KCNJ3: variants seen among roughly 807,000 people sequenced by gnomAD.
KCNJ3 encodes the protein G protein-activated inward rectifier potassium channel 1.
In KCNJ3, 4 loss-of-function variants were observed where a neutral mutation model predicts 39.2. The ratio of observed to expected loss-of-function variants is 0.10; its 90% CI spans 0.05 to 0.23. The LOEUF is 0.23. Among genes scored for constraint, KCNJ3 ranks in the 10% least tolerant of loss-of-function variants. KCNJ3 has a pLI of 1.00. For synonymous variants in KCNJ3, 230 were observed against 237.4 expected (o/e 0.97, Z 0.29); for missense variants, 276 against 634.9 (o/e 0.43, Z 6.08).
intron 2 of KCNJ3, among the ~76,000 whole-genome samples, chr2:154,802,669 A>G (rs1016456905): frequency 2.6e-5 from 4 of 152,170 alleles, no homozygotes; most frequent in African/African-American, 2.4e-5. Context: ...ATAATAACTC[A>G]TGGCTATAAG....
At chr2:154,762,067 G>T (rs1159111043) in intron 2 of KCNJ3, among the ~76,000 whole-genome samples, 1 of 152,166 alleles carries the variant, frequency 6.6e-6, no homozygotes, top group Non-Finnish European at 1.5e-5. Flanking sequence ...CCAGAGGCTG[G>T]AATAGACAAG....
At chr2:154,802,329 T>C (rs1314767546) in intron 2 of KCNJ3, among the ~76,000 whole-genome samples, 1 of 152,146 alleles carries the variant, frequency 6.6e-6, no homozygotes, top group East Asian at 1.9e-4. Context: ...GGGAGCTTGG[T>C]TCCCCATGGC....
chr2:154,850,534 C>G (rs1461725669), intron 2 of KCNJ3, among the ~76,000 whole-genome samples: 1 of 152,146 alleles, frequency 6.6e-6, no homozygotes, highest in Non-Finnish European at 1.5e-5. Flanking sequence ...GATTGGCAAA[C>G]ATAGACATTT....
At chr2:154,783,476 A>G (rs180929276) in intron 2 of KCNJ3, among the ~76,000 whole-genome samples, 1 of 152,304 alleles carries the variant, frequency 6.6e-6, no homozygotes, top group Admixed American at 6.5e-5. Context: ...TCCTGCCACT[A>G]CTAACACCCT....
intron 2 of KCNJ3, among the ~76,000 whole-genome samples, chr2:154,768,191 T>C (rs1686169548): frequency 6.6e-6 from 1 of 152,264 alleles, no homozygotes; most frequent in Non-Finnish European, 1.5e-5. Flanking sequence ...TTTAGTTTAA[T>C]TAGATCCCAT....
chr2:154,845,906 G>A (rs1687656068), intron 2 of KCNJ3, among the ~76,000 whole-genome samples: 1 of 149,554 alleles, frequency 6.7e-6, no homozygotes, highest in Non-Finnish European at 1.5e-5. Context: ...GGAGGTGGAG[G>A]TTGCAGTGAG....
intron 2 of KCNJ3, among the ~76,000 whole-genome samples, chr2:154,804,379 C>T (rs1355368871): frequency 2.6e-5 from 4 of 152,054 alleles, no homozygotes; most frequent in African/African-American, 4.8e-5. Flanking sequence ...TTTCTGATAC[C>T]GGGTCACTTG....
At chr2:154,744,770 C>T (rs1051071753) in intron 2 of KCNJ3, among the ~76,000 whole-genome samples, 1 of 151,724 alleles carries the variant, frequency 6.6e-6, no homozygotes, top group African/African-American at 2.4e-5. Context: ...GTACATGTCA[C>T]ATTGATTTTT....
At chr2:154,784,279 G>A (rs1054263217) in intron 2 of KCNJ3, among the ~76,000 whole-genome samples, 7 of 152,182 alleles carry the variant, frequency 4.6e-5, no homozygotes, top group East Asian at 1.9e-4. Context: ...AGATCTTTGC[G>A]TTTTGTAAAA....
chr2:154,843,285 T>C (rs1346778787), intron 2 of KCNJ3, among the ~76,000 whole-genome samples: 1 of 152,146 alleles, frequency 6.6e-6, no homozygotes, highest in Non-Finnish European at 1.5e-5. Context: ...TCTGGCTTGC[T>C]TGGTTTTTGC....
chr2:154,814,018 C>CTGG (rs1395442424), intron 2 of KCNJ3, among the ~76,000 whole-genome samples: 2 of 152,198 alleles, frequency 1.3e-5, no homozygotes, highest in Non-Finnish European at 2.9e-5. Context: ...TTGCCACTGA[C>CTGG]TGGTCAATTG....
Position 154,768,697 on chromosome 2 carries a change from A to C in KCNJ3, c.919+58878A>C, listed in dbSNP as rs141126953. Among the ~76,000 whole-genome samples the C allele has an allele frequency of 3.9e-4, 60 of 152,272 alleles. No homozygotes were observed. The East Asian group carries it at 0.011, about 28-fold the overall frequency. ...TCTTTTTTGGTTCCATATGAACTTT[A>C]AAGTAGTTTTTTCTAATTCTGTGAA... On this transcript the variant is annotated intron_variant, in intron 2 of 2. Transcript: ENST00000295101.
intron 2 of KCNJ3, among the ~76,000 whole-genome samples, chr2:154,747,952 A>G (rs1253797413): frequency 6.6e-6 from 1 of 151,404 alleles, no homozygotes; most frequent in Non-Finnish European, 1.5e-5. Context: ...TTCTTACCAA[A>G]CCCAATGTTC....
chr2:154,769,545 T>C (rs1686200544), intron 2 of KCNJ3, among the ~76,000 whole-genome samples: 1 of 152,190 alleles, frequency 6.6e-6, no homozygotes, highest in South Asian at 2.1e-4. Flanking sequence ...GCCCACTTGA[T>C]CATGTTAGAT....
chr2:154,843,658 C>T (rs1486595221), intron 2 of KCNJ3, among the ~76,000 whole-genome samples: 1 of 151,842 alleles, frequency 6.6e-6, no homozygotes, highest in Non-Finnish European at 1.5e-5. Flanking sequence ...TTTTCTCTAA[C>T]CTCGTCTTCA....
intron 2 of KCNJ3, among the ~76,000 whole-genome samples, chr2:154,786,645 T>C (rs929792912): frequency 1.3e-5 from 2 of 152,168 alleles, no homozygotes; most frequent in African/African-American, 4.8e-5. Flanking sequence ...CTCTATTATT[T>C]ATTGCCCCTG....
chr2:154,784,775 G>A (rs1028985617), intron 2 of KCNJ3, among the ~76,000 whole-genome samples: 23 of 152,088 alleles, frequency 1.5e-4, no homozygotes, highest in African/African-American at 4.3e-4. Context: ...TATCTACATC[G>A]TGTTTGTAAG....
At chr2:154,707,147 T>A (rs899353039) in intron 1 of KCNJ3, among the ~76,000 whole-genome samples, 4 of 152,104 alleles carry the variant, frequency 2.6e-5, no homozygotes, top group Non-Finnish European at 5.9e-5. Flanking sequence ...ATGTAAAGAA[T>A]TTCACTTATC....
chr2:154,733,436 A>G (rs537586189), intron 2 of KCNJ3, among the ~76,000 whole-genome samples: 1 of 152,290 alleles, frequency 6.6e-6, no homozygotes, highest in African/African-American at 2.4e-5. Context: ...CTAGGAAAAT[A>G]AAATAAAATA....
Sources: gnomAD v4.1 joint callset for allele counts (sites outside exome capture counted in the v4.1 genomes callset) on GRCh38, gnomAD v4.1.1 for gene constraint, MANE v1.5 for transcripts, NCBI Gene and HGNC (gene_info 2026-07-23, HGNC 2026-07-21) for gene names.